ALG12: variants seen among roughly 807,000 people sequenced by gnomAD.
ALG12 encodes dol-P-Man:Man(7)GlcNAc(2)-PP-Dol alpha-1,6-mannosyltransferase.
In ALG12, 36 loss-of-function variants were observed where a neutral mutation model predicts 46.0. The observed-to-expected ratio is 0.78, with a 90% CI of 0.60 to 1.03. The LOEUF (loss-of-function observed/expected upper bound fraction) is 1.03. Ranked by LOEUF, ALG12 falls within the 50% of genes least tolerant of loss-of-function variation. The pLI, the probability that ALG12 is intolerant of heterozygous loss-of-function variation, is 0.00. For missense variants in ALG12, 599 were observed against 633.5 expected (o/e 0.95, Z 0.58); for synonymous variants, 326 against 291.6 (o/e 1.12, Z -1.20).
chr22:49,917,043 G>C (rs1008148903), intron 1 of ALG12, among the ~76,000 whole-genome samples: 18 of 152,170 alleles, frequency 1.2e-4, no homozygotes, highest in African/African-American at 3.1e-4. Context: ...GCTCACTTTC[G>C]AGGGCATGAG....
chr22:49,895,779 G>T (rs1351868241), downstream of ALG12, among the ~76,000 whole-genome samples: 2 of 152,056 alleles, frequency 1.3e-5, no homozygotes, highest in South Asian at 4.1e-4. Context: ...AAAATACTAG[G>T]TTTTCTTTAA....
intron 7 of ALG12, among the ~76,000 whole-genome samples, chr22:49,907,249 C>G (rs2060547597): frequency 6.6e-6 from 1 of 152,218 alleles, no homozygotes; most frequent in African/African-American, 2.4e-5. Context: ...TGCCCCTGCC[C>G]TCTGCCGCTG....
chr22:49,874,605 C>T, the ALG12 span, among the ~76,000 whole-genome samples: 1 of 148,796 alleles, frequency 6.7e-6, no homozygotes, highest in Non-Finnish European at 1.5e-5. Context: ...GATCTCCTGA[C>T]CTCGTGATCC....
At position 49,913,596 on chromosome 22, in the gene ALG12, C is replaced by A; in HGVS notation, c.162+8G>T. On this transcript the variant is annotated splice_region_variant and intron_variant, in intron 2 of 9. Transcript: ENST00000330817. ...AGGTTTTCCCCAAAGACAGCAGGGG[C>A]CCCTCACCTGCTCCAGGTCTTGCCA... 6.2e-7 allele frequency: 1 copy of A among 1,614,080 alleles called. No individual in the cohort carries two copies. Among genetic ancestry groups the A allele is most frequent in the South Asian group, 1.1e-5 (1 of 91,084 alleles).
the ALG12 span, among the ~76,000 whole-genome samples, chr22:49,878,080 G>A: frequency 6.6e-6 from 1 of 151,946 alleles, no homozygotes; most frequent in Non-Finnish European, 1.5e-5. Flanking sequence ...CGAGATGGGC[G>A]GATCACCTGA....
downstream of ALG12, among the ~76,000 whole-genome samples, chr22:49,899,414 G>A (rs184777132): frequency 2.2e-3 from 337 of 151,516 alleles, 1 homozygote; most frequent in African/African-American, 8.0e-3. Flanking sequence ...GGAGGCGGAG[G>A]TTGCAGTGAG....
At chr22:49,875,254 A>T in the ALG12 span, among the ~76,000 whole-genome samples, 1 of 151,186 alleles carries the variant, frequency 6.6e-6, no homozygotes, top group South Asian at 2.1e-4. Flanking sequence ...GTTTGGTAGA[A>T]TTCACCACTG....
chr22:49,882,136 C>T, the ALG12 span, among the ~76,000 whole-genome samples: 1 of 152,206 alleles, frequency 6.6e-6, no homozygotes, highest in African/African-American at 2.4e-5. Context: ...GGTTCAGCTC[C>T]TCCCTGTGGG....
chr22:49,904,086 G>A lies in ALG12; in HGVS notation c.1239-20C>T, dbSNP rs2147579788. 1.9e-6 allele frequency: 3 copies of A among 1,614,040 alleles called. No individual in the cohort carries two copies. ...TCGTACCTGTGGGATGAGAGCTGGT[G>A]GTCCTGCCCAGGGCCCCCACATCGC... On this transcript the variant is annotated intron_variant, in intron 9 of 9. Coordinates refer to ENST00000330817, the MANE Select transcript of ALG12 (RefSeq NM_024105.4).
At chr22:49,872,348 TC>T in the ALG12 span, among the ~76,000 whole-genome samples, 3 of 152,276 alleles carry the variant, frequency 2.0e-5, no homozygotes, top group South Asian at 6.2e-4. Context: ...GTACAGCAAT[TC>T]CGCCGTATCT....
chr22:49,886,882 A>G, the ALG12 span: 1 of 1,614,082 alleles, frequency 6.2e-7, no homozygotes, highest in Non-Finnish European at 8.5e-7. The surrounding 1 kb of genome is among the most constrained non-coding windows in gnomAD (Gnocchi z 7.7). Context: ...GGTGAAGAAG[A>G]AAGACCCAAG....
the ALG12 span, among the ~76,000 whole-genome samples, chr22:49,875,113 G>T: frequency 6.6e-6 from 1 of 152,088 alleles, no homozygotes; most frequent in Non-Finnish European, 1.5e-5. Context: ...TGCTCATAGG[G>T]TATCAAGTTG....
In ALG12 at chr22:49,907,636, A is replaced by G. The variant is rs2060549960; in HGVS notation, c.992+85T>C. ...CAAGACCCTGTTTCAAAAATTAAAC[A>G]CACACATACATCCCCCCAACAGTAA... On this transcript the variant is annotated intron_variant, in intron 7 of 9. Coordinates refer to ENST00000330817, the MANE Select transcript of ALG12 (RefSeq NM_024105.4). 3.5e-6 allele frequency: 5 copies of G among 1,439,048 alleles called. No individual in the cohort carries two copies. The East Asian group carries it at 1.2e-4, about 35-fold the overall frequency. The allele number at this position is 1,439,048 out of a possible 1,614,324, so 89.1% of individuals were successfully genotyped here.
rs754397879 is a variant in ALG12 at position 49,909,312 on chromosome 22, G to C, written c.700C>G (p.Gln234Glu). The change falls in exon 6 of 10, where the codon CAG becomes GAG. Residue 234 changes from glutamine to glutamate, a missense_variant. Gln to Glu is a conservative substitution (Grantham distance 29). Coordinates refer to ENST00000330817, the MANE Select transcript of ALG12 (RefSeq NM_024105.4). ...ACCTTTCCTTCCGGCCAAGTGAGCT[G>C]CCGCCAAAAATAAGAGTCCACAGCA... The part of the protein sequence containing the change: ...TVAVDSYFWR[Q>E]LTWPEGKVLW... 7 of 1,614,098 alleles carry C rather than the reference G, an allele frequency of 4.3e-6. No individual in the cohort carries two copies. Among genetic ancestry groups the C allele is most frequent in the African/African-American group, 1.3e-5 (1 of 74,926 alleles).
intron 1 of ALG12, among the ~76,000 whole-genome samples, chr22:49,917,256 C>T (rs564430455): frequency 2.0e-5 from 3 of 152,236 alleles, no homozygotes; most frequent in Admixed American, 6.5e-5. Context: ...CAGGTTAAAA[C>T]GGGCCCAGGC....
chr22:49,902,325 T>G lies in ALG12; in HGVS notation c.*1513A>C, dbSNP rs1241706883. 2 of 118,212 alleles carry G rather than the reference T, an allele frequency of 1.7e-5. No individual in the cohort carries two copies. Among genetic ancestry groups the G allele is most frequent in the African/African-American group, 4.8e-5 (1 of 20,820 alleles). 7.3% of individuals were successfully genotyped at this position (118,212 alleles called of 1,614,324 possible). A position where few individuals can be genotyped will look rare whatever the true frequency, so the allele number is the denominator to read the frequency against. ...TGCACTGTGTGTGGATGCATGGTAATGTGCACGTGTGCACTGTGTGTGGTG... is the reference window on the plus strand; with the variant it reads ...TGCACTGTGTGTGGATGCATGGTAAGGTGCACGTGTGCACTGTGTGTGGTG... On this transcript the variant is annotated 3_prime_UTR_variant, in exon 10 of 10. Coordinates refer to ENST00000330817, the MANE Select transcript of ALG12 (RefSeq NM_024105.4).
At chr22:49,875,059 GTTTAA>G in the ALG12 span, among the ~76,000 whole-genome samples, 7 of 152,074 alleles carry the variant, frequency 4.6e-5, no homozygotes, top group Non-Finnish European at 7.4e-5. Flanking sequence ...GATACATAGT[GTTTAA>G]TTTAATTTGT....
the ALG12 span, chr22:49,884,567 C>T: frequency 6.2e-7 from 1 of 1,613,044 alleles, no homozygotes; most frequent in Non-Finnish European, 8.5e-7. Context: ...CTGGACAACT[C>T]CAAAGCTGTC....
chr22:49,887,159 T>G, the ALG12 span: 1 of 1,611,464 alleles, frequency 6.2e-7, no homozygotes, highest in Non-Finnish European at 8.5e-7. Context: ...AATCTTCCCT[T>G]AATATACTTT....
Sources: allele counts gnomAD v4.1 joint callset (sites outside exome capture counted in the v4.1 genomes callset), GRCh38; gene constraint gnomAD v4.1.1; non-coding constraint Gnocchi (gnomAD v3.1); transcripts MANE v1.5; gene names NCBI Gene and HGNC (gene_info 2026-07-23, HGNC 2026-07-21).